LARGE1: variants seen among roughly 807,000 people sequenced by gnomAD.
The protein encoded by LARGE1 is xylosyl- and glucuronyltransferase LARGE1.
LARGE1 carries 43 observed loss-of-function variants against 87.6 expected under a neutral mutation model. That is an observed-to-expected ratio of 0.49 (90% confidence interval 0.38 to 0.63). LARGE1 has a LOEUF of 0.63. LARGE1 is among the 30% of genes least tolerant of loss of function. The probability of loss-of-function intolerance (pLI) is 0.00; values close to 1 mark genes in which losing one functional copy is unlikely to be tolerated. For synonymous variants in LARGE1, 434 were observed against 394.6 expected (o/e 1.10, Z -1.18); for missense variants, 802 against 1,000.2 (o/e 0.80, Z 2.67).
chr22:33,865,403 CA>C (rs1317556911), intron 1 of LARGE1, among the ~76,000 whole-genome samples: 2 of 152,122 alleles, frequency 1.3e-5, no homozygotes, highest in African/African-American at 4.8e-5. Flanking sequence ...TTTTTCTTTT[CA>C]AAGTGACACT....
chr22:33,243,522 A>T (rs1003148754), intron 11 of LARGE1, among the ~76,000 whole-genome samples: 8 of 152,204 alleles, frequency 5.3e-5, no homozygotes, highest in Admixed American at 1.3e-4. Context: ...ATGTCAGGCA[A>T]TTTTTCTGTA....
At position 33,552,371 on chromosome 22, in the gene LARGE1, C is replaced by T. The variant is rs189518390; in HGVS notation, c.787+12477G>A. On this transcript the variant is annotated intron_variant, in intron 6 of 14. Coordinates refer to ENST00000397394, the MANE Select transcript of LARGE1 (RefSeq NM_133642.5). ...CCCAACCTATACAAACACTTGCTTC[C>T]AGGAAACAGACAGTCAGTCTCCACA... Among the ~76,000 whole-genome samples, 377 of 152,220 alleles carry T rather than the reference C, an allele frequency of 2.5e-3. 1 individual carries two copies. The highest frequency in any genetic ancestry group is 8.8e-3 in the African/African-American group (364 of 41,512).
chr22:33,882,221 G>A (rs2064716130), intron 1 of LARGE1, among the ~76,000 whole-genome samples: 2 of 151,904 alleles, frequency 1.3e-5, no homozygotes, highest in African/African-American at 2.4e-5. Flanking sequence ...TAGTAGAGAC[G>A]GGGTTTCATC....
At position 33,729,927 on chromosome 22, in the gene LARGE1, G is replaced by A. The variant is rs188008902; in HGVS notation, c.106+31444C>T. 4.4e-4 allele frequency among the ~76,000 whole-genome samples: 67 copies of A among 152,294 alleles called. No individual in the cohort carries two copies. In the South Asian group the frequency reaches 0.011, roughly 26 times the overall value. On this transcript the variant is annotated intron_variant, in intron 2 of 14. Transcript: ENST00000397394. ...TGCCAGGCATGAGTCTCATTGTTGGGGTATGGAAATGACAGAAGTCCCTGC... is the reference window on the plus strand; with the variant it reads ...TGCCAGGCATGAGTCTCATTGTTGGAGTATGGAAATGACAGAAGTCCCTGC...
intron 11 of LARGE1, among the ~76,000 whole-genome samples, chr22:33,255,080 GGC>G (rs201230197): frequency 0.011 from 1,744 of 152,140 alleles, 17 homozygotes; most frequent in Non-Finnish European, 0.016. Context: ...TGGGATTACA[GGC>G]GTCTGCCACC....
intron 1 of LARGE1, among the ~76,000 whole-genome samples, chr22:33,821,906 C>T (rs2086834821): frequency 6.7e-6 from 1 of 149,500 alleles, no homozygotes; most frequent in Non-Finnish European, 1.5e-5. Flanking sequence ...AAACTATAAA[C>T]AGTGATGTCC....
At chr22:33,866,101 A>G (rs1283946554) in intron 1 of LARGE1, among the ~76,000 whole-genome samples, 13 of 151,910 alleles carry the variant, frequency 8.6e-5, no homozygotes. Context: ...CTCCTGCCTC[A>G]GCCTCCGGCC....
At chr22:33,822,455 T>A (rs1437373307) in intron 1 of LARGE1, among the ~76,000 whole-genome samples, 3 of 152,042 alleles carry the variant, frequency 2.0e-5, no homozygotes, top group Non-Finnish European at 4.4e-5. Flanking sequence ...TCCCAGTACT[T>A]TGGGAAGCTG....
chr22:33,165,975 G>C (rs928027872), exon 12 of LARGE1: 6 of 152,202 alleles, frequency 3.9e-5, no homozygotes, highest in Admixed American at 3.9e-4. Context: ...TTATTATTCA[G>C]TGTGGTAAAC....
At chr22:33,284,633 A>C (rs1172133859) in intron 12 of LARGE1, among the ~76,000 whole-genome samples, 3 of 151,576 alleles carry the variant, frequency 2.0e-5, no homozygotes, top group Non-Finnish European at 2.9e-5. Flanking sequence ...GCTGGAGTGC[A>C]GTGGTGCAAT....
At chr22:33,287,763 G>A (rs935472567) in intron 12 of LARGE1, among the ~76,000 whole-genome samples, 1 of 152,224 alleles carries the variant, frequency 6.6e-6, no homozygotes, top group Non-Finnish European at 1.5e-5. Flanking sequence ...AAAGCTGGGC[G>A]AACAGCCAGG....
chr22:33,713,498 GC>G (rs1173366610), intron 2 of LARGE1, among the ~76,000 whole-genome samples: 1 of 152,076 alleles, frequency 6.6e-6, no homozygotes, highest in Non-Finnish European at 1.5e-5. Flanking sequence ...AAACACACAA[GC>G]CAGCACACAC....
At chr22:33,456,848 A>T (rs2068150884) in intron 6 of LARGE1, among the ~76,000 whole-genome samples, 1 of 152,194 alleles carries the variant, frequency 6.6e-6, no homozygotes, top group Non-Finnish European at 1.5e-5. Context: ...AAGAAGCTGG[A>T]GGGGCCACAG....
chr22:33,773,594 AC>A, intron 1 of LARGE1, among the ~76,000 whole-genome samples: 1 of 152,294 alleles, frequency 6.6e-6, no homozygotes, highest in African/African-American at 2.4e-5. Context: ...CTGTTATATA[AC>A]AAGCAAACTC....
At chr22:33,079,850 A>T in the LARGE1 span, among the ~76,000 whole-genome samples, 2 of 152,072 alleles carry the variant, frequency 1.3e-5, no homozygotes, top group African/African-American at 2.4e-5. Context: ...AACAGGAATG[A>T]CCCGTTGAGG....
At chr22:33,674,942 T>G (rs1463700269) in intron 2 of LARGE1, among the ~76,000 whole-genome samples, 1 of 151,830 alleles carries the variant, frequency 6.6e-6, no homozygotes, top group Non-Finnish European at 1.5e-5. Context: ...CCATTCTATC[T>G]GCAACATCCA....
chr22:33,245,314 G>C (rs939185060), intron 11 of LARGE1, among the ~76,000 whole-genome samples: 2 of 152,158 alleles, frequency 1.3e-5, no homozygotes, highest in Non-Finnish European at 2.9e-5. Context: ...GAGCTTTCCT[G>C]GGTGTTTTTC....
At chr22:33,371,479 A>G (rs924742936) in intron 9 of LARGE1, among the ~76,000 whole-genome samples, 2 of 152,212 alleles carry the variant, frequency 1.3e-5, no homozygotes, top group Non-Finnish European at 2.9e-5. Flanking sequence ...ATATTGGTTT[A>G]ATAAAAACAG....
rs141732496 is a variant in LARGE1 at position 33,675,705 on chromosome 22, G to A, written c.107-25037C>T. 4.7e-3 allele frequency among the ~76,000 whole-genome samples: 719 copies of A among 152,248 alleles called. 5 individuals are homozygous for A. Among genetic ancestry groups the A allele is most frequent in the African/African-American group, 0.015 (639 of 41,546 alleles). On this transcript the variant is annotated intron_variant, in intron 2 of 14. Coordinates refer to ENST00000397394, the MANE Select transcript of LARGE1 (RefSeq NM_133642.5). ...CCACAATTTTGAGTCACCTGCCAAA[G>A]GAATTGTCTCTAAATAACTCTCCAA...
Sources: allele counts gnomAD v4.1 joint callset (sites outside exome capture counted in the v4.1 genomes callset), GRCh38; gene constraint gnomAD v4.1.1; transcripts MANE v1.5; gene names NCBI Gene and HGNC (gene_info 2026-07-23, HGNC 2026-07-21).